The following ZNF462 variants were observed in gnomAD, a reference collection of about 807,000 sequenced individuals.
ZNF462 encodes zinc finger protein 462, also known as zinc finger PBX1-interacting protein.
ZNF462 carries 10 observed loss-of-function variants against 201.9 expected under a neutral mutation model. The ratio of observed to expected loss-of-function variants is 0.05; its 90% confidence interval spans 0.03 to 0.08. The LOEUF (loss-of-function observed/expected upper bound fraction) is 0.08, where lower values mean the gene tolerates loss of function less well. Among genes scored for constraint, ZNF462 ranks in the 10% least tolerant of loss-of-function variants. The pLI is 1.00. For synonymous variants in ZNF462, 1,227 were observed against 1,193.3 expected, an observed-to-expected ratio of 1.03 and a Z score of -0.58; for missense variants, 2,523 against 3,168.3, an observed-to-expected ratio of 0.80 and a Z score of 4.89.
chr9:106,901,288 A>G (rs995557627), intron 1 of ZNF462, among the ~76,000 whole-genome samples: 1 of 152,110 alleles, frequency 6.6e-6, no homozygotes, highest in South Asian at 2.1e-4. Context: ...GCCTATTTTT[A>G]TACCAGTACC....
At chr9:107,004,303 C>A (rs976007686) in intron 11 of ZNF462, among the ~76,000 whole-genome samples, 1 of 152,174 alleles carries the variant, frequency 6.6e-6, no homozygotes, top group Non-Finnish European at 1.5e-5. Context: ...GTTGCCATTA[C>A]TGAGCATCAT....
chr9:106,893,133 T>C (rs1195906834), intron 1 of ZNF462, among the ~76,000 whole-genome samples: 1 of 152,206 alleles, frequency 6.6e-6, no homozygotes, highest in African/African-American at 2.4e-5. Flanking sequence ...TCAGTATACA[T>C]TATATAAATG....
intron 1 of ZNF462, among the ~76,000 whole-genome samples, chr9:106,912,028 C>A (rs1802154325): frequency 6.6e-6 from 1 of 152,174 alleles, no homozygotes; most frequent in South Asian, 2.1e-4. Context: ...AGATGTTCCA[C>A]AAAGAGGCTG....
intron 1 of ZNF462, among the ~76,000 whole-genome samples, chr9:106,896,921 A>G (rs1436005552): frequency 6.6e-6 from 1 of 152,188 alleles, no homozygotes; most frequent in Non-Finnish European, 1.5e-5. Context: ...TTTAAACACC[A>G]AAGTGATCAC....
chr9:106,983,282 C>T (rs984916413), intron 9 of ZNF462, among the ~76,000 whole-genome samples: 1 of 152,174 alleles, frequency 6.6e-6, no homozygotes, highest in Non-Finnish European at 1.5e-5. Context: ...CCCAAATCCT[C>T]TCTCTCTTTT....
Position 106,935,560 on chromosome 9 carries a change from C to G in ZNF462, c.6174C>G (p.Leu2058=), listed in dbSNP as rs552788225. ...HGHHKPFRCK[L]CSFKSSYNSR... Reference sequence around the variant, plus strand: ...ACCATAAACCATTCCGATGCAAACTCTGCTCCTTCAAGTCCTCCTATAACA... The same window carrying G: ...ACCATAAACCATTCCGATGCAAACTGTGCTCCTTCAAGTCCTCCTATAACA... The change falls in exon 6 of 13, where the codon CTC becomes CTG. Residue 2058 remains leucine, a synonymous_variant. Coordinates refer to ENST00000277225, the MANE Select transcript of ZNF462 (RefSeq NM_021224.6). This position sits in a 1 kb window ranked among gnomAD's most constrained non-coding sequence, Gnocchi z 4.1. 1.9e-6 allele frequency: 3 copies of G among 1,614,094 alleles called. No individual in the cohort carries two copies. In the South Asian group the frequency reaches 3.3e-5, roughly 18 times the overall value.
At position 106,986,524 on chromosome 9, in the gene ZNF462, A is replaced by G. The variant is rs150420028; in HGVS notation, c.7056+2115A>G. 2.2e-4 allele frequency among the ~76,000 whole-genome samples: 34 copies of G among 152,310 alleles called. No individual in the cohort carries two copies. In the East Asian group the frequency reaches 6.4e-3, roughly 29 times the overall value. On this transcript the variant is annotated intron_variant, in intron 10 of 12. Transcript: ENST00000277225. ...GAATTGTGTTCAAATATAATAATAG[A>G]TGTACCTATCATAATGGCAGCTGTG...
chr9:106,899,241 G>GTGT (rs1333129392), intron 1 of ZNF462, among the ~76,000 whole-genome samples: 2 of 55,282 alleles, frequency 3.6e-5, no homozygotes, highest in African/African-American at 1.9e-4. Flanking sequence ...TGTGTGTGTG[G>GTGT]GGGGGGGGGG....
chr9:106,954,513 G>GAA lies in ZNF462; in HGVS notation c.6427+15419_6427+15420dup, dbSNP rs75004811. On this transcript the variant is annotated intron_variant, in intron 7 of 12. Transcript: ENST00000277225. The surrounding 1 kb of genome is among the most constrained non-coding windows in gnomAD (Gnocchi z 4.0). The stretch of plus-strand genomic sequence containing the variant: ...AACCATATCAGCCTGTTTAAAAGAG[G>GAA]AAAAAAAAAAAAAACTCAGTCAATA... Among the ~76,000 whole-genome samples, 5 of 135,294 alleles carry GAA rather than the reference G, an allele frequency of 3.7e-5. No homozygotes were observed. Among genetic ancestry groups the GAA allele is most frequent in the Non-Finnish European group, 3.2e-5 (2 of 61,888 alleles). 88.8% of individuals were successfully genotyped at this position (135,294 alleles called of 152,430 possible).
At position 106,929,590 on chromosome 9, in the gene ZNF462, A is replaced by G. The variant is rs1392848517; in HGVS notation, c.5678A>G (p.Gln1893Arg). Residue 1893 changes from glutamine (Q) to arginine (R), a missense_variant, in exon 3 of 13, where the codon CAG (glutamine) becomes CGG (arginine). By Grantham distance (43) the Gln-to-Arg change is conservative. This residue lies in a region of ZNF462 where 207 missense variants were observed against 231.6 expected (regional missense o/e 0.89). Coordinates refer to ENST00000277225, the MANE Select transcript of ZNF462 (RefSeq NM_021224.6). The surrounding 1 kb of genome is among the most constrained non-coding windows in gnomAD (Gnocchi z 8.7). ...CCCCGCTTGCAGAACTCCACCTACC[A>G]GTGTAAGCACTGTGATAGCAAACTG... ...NGPRLQNSTY[Q>R]CKHCDSKLQS... 1.9e-6 allele frequency: 3 copies of G among 1,614,100 alleles called. No individual in the cohort carries two copies. The highest frequency in any genetic ancestry group is 2.7e-5 in the African/African-American group (2 of 74,938).
In ZNF462 at chr9:106,984,967, C is replaced by T. The variant is rs761451250; in HGVS notation, c.7056+558C>T. Among the ~76,000 whole-genome samples, 5 of 152,020 alleles carry T rather than the reference C, an allele frequency of 3.3e-5. No individual in the cohort carries two copies. The highest frequency in any genetic ancestry group is 2.1e-4 in the South Asian group (1 of 4,816). On this transcript the variant is annotated intron_variant, in intron 10 of 12. Coordinates refer to ENST00000277225, the MANE Select transcript of ZNF462 (RefSeq NM_021224.6). This position sits in a 1 kb window ranked among gnomAD's most constrained non-coding sequence, Gnocchi z 6.4. ...TCTACAAAAAATACAAAAGATTAGC[C>T]AGGCATGGTGGTGTGCACCTGTGGT... is the stretch of plus-strand genomic sequence containing the variant.
At chr9:106,975,798 A>G (rs1826957020) in intron 9 of ZNF462, 1 of 152,146 alleles carries the variant, frequency 6.6e-6, no homozygotes, top group African/African-American at 2.4e-5. Flanking sequence ...CAGAGCTTTG[A>G]TGCCTAACAA....
In ZNF462 at chr9:106,889,604, C is replaced by T. The variant is rs578024191; in HGVS notation, c.-31+26249C>T. 3.9e-5 allele frequency among the ~76,000 whole-genome samples: 6 copies of T among 152,276 alleles called. No individual in the cohort carries two copies. In the South Asian group the frequency reaches 8.3e-4, roughly 21 times the overall value. ...GTTTTCCTGTTACTGAATGCTGGAC[C>T]GTGGGCTTACTTGTTTTTTACTCTT... On this transcript the variant is annotated intron_variant, in intron 1 of 12. Coordinates refer to ENST00000277225, the MANE Select transcript of ZNF462 (RefSeq NM_021224.6).
Position 106,963,330 on chromosome 9 carries a change from A to G in ZNF462, c.6428-8675A>G, listed in dbSNP as rs1041263214. The stretch of plus-strand genomic sequence containing the variant: ...TAGCTCTGTGTTACACACTGTTTTA[A>G]TAACTTAAAACAATATATATGTATC... On this transcript the variant is annotated intron_variant, in intron 7 of 12. Coordinates refer to ENST00000277225, the MANE Select transcript of ZNF462 (RefSeq NM_021224.6). This position sits in a 1 kb window ranked among gnomAD's most constrained non-coding sequence, Gnocchi z 4.7. Among the ~76,000 whole-genome samples, 2 of 152,090 alleles carry G rather than the reference A, an allele frequency of 1.3e-5. No individual in the cohort carries two copies. The highest frequency in any genetic ancestry group is 4.8e-5 in the African/African-American group (2 of 41,434).
At chr9:107,001,640 CAA>C (rs371242999) in intron 10 of ZNF462, among the ~76,000 whole-genome samples, 1 of 152,186 alleles carries the variant, frequency 6.6e-6, no homozygotes, top group African/African-American at 2.4e-5. Flanking sequence ...GTGCTACAAG[CAA>C]AAGTCCTTTG....
chr9:106,898,668 G>C (rs1402623508), intron 1 of ZNF462, among the ~76,000 whole-genome samples: 2 of 152,188 alleles, frequency 1.3e-5, no homozygotes, highest in African/African-American at 2.4e-5. Context: ...TGGTGGTGCT[G>C]GGGGAGGAGG....
At position 106,929,245 on chromosome 9, in the gene ZNF462, G is replaced by A. The variant is rs777842200; in HGVS notation, c.5333G>A (p.Ser1778Asn). 10 of 1,614,162 alleles carry A rather than the reference G, an allele frequency of 6.2e-6. No individual in the cohort carries two copies. The highest frequency in any genetic ancestry group is 8.5e-6 in the Non-Finnish European group (10 of 1,180,030). The change falls in exon 3 of 13, where the codon AGC becomes AAC. Residue 1778 changes from serine to asparagine, a missense_variant. Physicochemically the swap from Ser to Asn is conservative, Grantham distance 46. Transcript: ENST00000277225. This position sits in a 1 kb window ranked among gnomAD's most constrained non-coding sequence, Gnocchi z 8.7. The stretch of plus-strand genomic sequence containing the variant: ...TCCTTGTGCTCTTTCCAGTCGTTCA[G>A]CAAGAAGGGCATCGTGTCCCATTAC... ...KCSLCSFQSF[S>N]KKGIVSHYMK...
intron 7 of ZNF462, among the ~76,000 whole-genome samples, chr9:106,957,014 C>G (rs1831606417): frequency 6.6e-6 from 1 of 152,162 alleles, no homozygotes; most frequent in Admixed American, 6.5e-5. Flanking sequence ...TGGAGTAGCA[C>G]TTTTAATTTT....
intron 9 of ZNF462, chr9:106,976,436 C>T (rs755684566): frequency 2.6e-5 from 4 of 152,176 alleles, no homozygotes; most frequent in South Asian, 2.1e-4. Context: ...CAGTGTGTGA[C>T]GTAGTGCATA....
Sources: gnomAD v4.1 joint callset for allele counts (sites outside exome capture counted in the v4.1 genomes callset) on GRCh38, gnomAD v4.1.1 for gene constraint, gnomAD v4.1.1 regional missense constraint, Gnocchi (gnomAD v3.1) non-coding constraint, MANE v1.5 for transcripts, NCBI Gene and HGNC (gene_info 2026-07-23, HGNC 2026-07-21) for gene names.